The following MAST4 variants were observed in gnomAD, a reference collection of about 807,000 sequenced individuals.
MAST4 encodes microtubule associated serine/threonine kinase family member 4.
Under a neutral mutation model 162.7 loss-of-function variants are expected in MAST4, and 89 were observed. That is an observed-to-expected ratio of 0.55 (90% CI 0.46 to 0.65). The LOEUF (loss-of-function observed/expected upper bound fraction) is 0.65. MAST4 is among the 30% of genes least tolerant of loss of function. The pLI, the probability that MAST4 is intolerant of heterozygous loss-of-function variation, is 0.00. For synonymous variants in MAST4, 1,479 were observed against 1,361.1 expected (o/e 1.09, Z -1.91); for missense variants, 3,153 against 3,374.0 (o/e 0.93, Z 1.62).
chr5:66,839,766 A>G (rs1220582284), intron 3 of MAST4, among the ~76,000 whole-genome samples: 2 of 152,192 alleles, frequency 1.3e-5, no homozygotes, highest in Non-Finnish European at 2.9e-5. Flanking sequence ...CAGTGAGTGA[A>G]TTTAAAAGAG....
intron 1 of MAST4, among the ~76,000 whole-genome samples, chr5:66,645,603 T>G (rs1178971852): frequency 6.6e-6 from 1 of 152,184 alleles, no homozygotes; most frequent in African/African-American, 2.4e-5. Context: ...ATTTTATGCT[T>G]TAATTAATTT....
chr5:66,613,752 T>C (rs1391192673), intron 1 of MAST4, among the ~76,000 whole-genome samples: 2 of 152,198 alleles, frequency 1.3e-5, no homozygotes, highest in Admixed American at 1.3e-4. Flanking sequence ...TCAGGGTGGC[T>C]AATTCTTGGT....
chr5:66,699,414 T>A (rs1749620546), intron 1 of MAST4, among the ~76,000 whole-genome samples: 1 of 152,210 alleles, frequency 6.6e-6, no homozygotes, highest in African/African-American at 2.4e-5. Flanking sequence ...GAACTGTTTT[T>A]GTTGATGTTC....
intron 1 of MAST4, among the ~76,000 whole-genome samples, chr5:66,601,050 C>T (rs1168093419): frequency 1.3e-5 from 2 of 152,184 alleles, no homozygotes; most frequent in Non-Finnish European, 2.9e-5. Context: ...AGCATGACGA[C>T]TGCTTTTAAT....
chr5:66,720,414 T>A (rs1381640815), intron 1 of MAST4, among the ~76,000 whole-genome samples: 2 of 152,210 alleles, frequency 1.3e-5, no homozygotes, highest in African/African-American at 4.8e-5. Context: ...TTATTGAATT[T>A]TTCAGAGTCT....
intron 4 of MAST4, among the ~76,000 whole-genome samples, chr5:66,951,240 A>G (rs1431485843): frequency 6.6e-6 from 1 of 152,218 alleles, no homozygotes; most frequent in Non-Finnish European, 1.5e-5. Flanking sequence ...TAATTTTTGT[A>G]GCACAAGTGA....
chr5:66,638,219 C>T (rs1380505148), intron 1 of MAST4, among the ~76,000 whole-genome samples: 2 of 152,168 alleles, frequency 1.3e-5, no homozygotes, highest in Admixed American at 1.3e-4. Flanking sequence ...CTGGGCAGGT[C>T]TTTGGCAGTG....
chr5:66,780,039 G>A (rs1000327622), intron 2 of MAST4, among the ~76,000 whole-genome samples: 1 of 152,032 alleles, frequency 6.6e-6, no homozygotes, highest in East Asian at 1.9e-4. Flanking sequence ...GCCAAGCAAG[G>A]GATTGGGGGG....
At chr5:66,889,078 T>G (rs1762215421) in intron 3 of MAST4, among the ~76,000 whole-genome samples, 1 of 152,202 alleles carries the variant, frequency 6.6e-6, no homozygotes, top group South Asian at 2.1e-4. Context: ...TTTTATTGAT[T>G]CTAGGGAATT....
chr5:67,154,934 C>T (rs1204379269), intron 26 of MAST4, among the ~76,000 whole-genome samples: 1 of 152,174 alleles, frequency 6.6e-6, no homozygotes, highest in Non-Finnish European at 1.5e-5. Flanking sequence ...TGTGTGCCTT[C>T]ATTGGTTTAA....
At chr5:67,095,496 A>G (rs1454757945) in intron 6 of MAST4, 101 bp from the exon 7 acceptor site, 3 of 817,436 alleles carry the variant, frequency 3.7e-6, no homozygotes, top group East Asian at 2.7e-5. Flanking sequence ...CTCACAGACT[A>G]TGTTTGTGTC....
intron 2 of MAST4, among the ~76,000 whole-genome samples, chr5:66,768,569 A>G (rs1754214991): frequency 6.6e-6 from 1 of 152,214 alleles, no homozygotes; most frequent in Non-Finnish European, 1.5e-5. Flanking sequence ...CTAATATATA[A>G]CATTCTTACA....
At chr5:66,802,843 C>A (rs559617664) in intron 3 of MAST4, among the ~76,000 whole-genome samples, 1 of 152,268 alleles carries the variant, frequency 6.6e-6, no homozygotes, top group East Asian at 1.9e-4. Flanking sequence ...TTCCTGACCC[C>A]TCTTAGAATG....
At chr5:67,094,208 T>A (rs1764177221) in intron 6 of MAST4, 1 of 1,388,790 alleles carries the variant, frequency 7.2e-7, no homozygotes, top group Admixed American at 1.9e-5. Flanking sequence ...GTTCTGTGAT[T>A]TGTCCACTTG....
At chr5:66,906,331 G>A (rs952770488) in intron 4 of MAST4, among the ~76,000 whole-genome samples, 9 of 152,154 alleles carry the variant, frequency 5.9e-5, no homozygotes, top group African/African-American at 1.4e-4. Context: ...AGGGGGATTC[G>A]TTCAGTCAGA....
intron 12 of MAST4, among the ~76,000 whole-genome samples, chr5:67,116,458 G>A (rs1035656999): frequency 1.7e-4 from 26 of 151,254 alleles, no homozygotes; most frequent in African/African-American, 5.3e-4. Context: ...TGTCTGCCTC[G>A]GCCTCCCAAA....
intron 1 of MAST4, among the ~76,000 whole-genome samples, chr5:66,669,917 G>A (rs1340618450): frequency 6.6e-6 from 1 of 152,230 alleles, no homozygotes. Flanking sequence ...CCAAGTCTGA[G>A]GATGAAGCTT....
chr5:67,004,240 T>C (rs952799675), intron 4 of MAST4, among the ~76,000 whole-genome samples: 17 of 151,672 alleles, frequency 1.1e-4, no homozygotes, highest in African/African-American at 4.1e-4. Context: ...GAGCCCCCGC[T>C]CCTCAGGCGC....
intron 1 of MAST4, among the ~76,000 whole-genome samples, chr5:66,664,448 A>G (rs1046030660): frequency 6.7e-6 from 1 of 149,320 alleles, no homozygotes; most frequent in Non-Finnish European, 1.5e-5. Context: ...AAAAAAAAAA[A>G]AAAAGAAAAT....
Sources: allele counts gnomAD v4.1 joint callset (sites outside exome capture counted in the v4.1 genomes callset), GRCh38; gene constraint gnomAD v4.1.1; transcripts MANE v1.5; gene names NCBI Gene and HGNC (gene_info 2026-07-23, HGNC 2026-07-21).